Variants in LRRTM4 observed in about 807,000 individuals in gnomAD.
LRRTM4 encodes leucine rich repeat transmembrane neuronal 4.
Under a neutral mutation model 47.6 loss-of-function variants are expected in LRRTM4, and 25 were observed. That is an observed-to-expected ratio of 0.53 (90% confidence interval 0.38 to 0.73). The LOEUF is 0.73. Ranked by LOEUF, LRRTM4 falls within the 30% of genes least tolerant of loss-of-function variation. The pLI is 0.00. For synonymous variants in LRRTM4, 311 were observed against 269.5 expected, an observed-to-expected ratio of 1.15 and a Z score of -1.51; for missense variants, 638 against 713.4, an observed-to-expected ratio of 0.89 and a Z score of 1.20.
At chr2:77,197,356 T>G (rs2103891992) in intron 3 of LRRTM4, among the ~76,000 whole-genome samples, 1 of 152,170 alleles carries the variant, frequency 6.6e-6, no homozygotes, top group Admixed American at 6.5e-5. Flanking sequence ...AAAATTAGCC[T>G]TATAATCTAC....
At chr2:77,274,437 T>G (rs1471919537) in intron 3 of LRRTM4, among the ~76,000 whole-genome samples, 1 of 152,138 alleles carries the variant, frequency 6.6e-6, no homozygotes, top group Non-Finnish European at 1.5e-5. Flanking sequence ...TATCCATATC[T>G]CTTATGGGAA....
rs576337160 is a variant in LRRTM4, at chr2:77,442,140, C to T, written c.1551+76178G>A. On this transcript the variant is annotated intron_variant, in intron 3 of 3. Coordinates refer to ENST00000409884, the MANE Select transcript of LRRTM4 (RefSeq NM_001134745.3). ...GAGGACTCTGGGTTGAAATCTAGTA[C>T]AGAAGAACAGGATGCTAAGTGCAAA... 2.0e-5 allele frequency among the ~76,000 whole-genome samples: 3 copies of T among 152,204 alleles called. No individual in the cohort carries two copies. The South Asian group carries it at 6.2e-4, about 32-fold the overall frequency.
At chr2:76,971,384 C>A (rs1286898859) in intron 3 of LRRTM4, among the ~76,000 whole-genome samples, 2 of 151,978 alleles carry the variant, frequency 1.3e-5, no homozygotes, top group African/African-American at 4.8e-5. Context: ...TGGTGACAGG[C>A]AATTGGTGAG....
At chr2:77,216,158 G>A (rs1057378945) in intron 3 of LRRTM4, among the ~76,000 whole-genome samples, 1 of 152,136 alleles carries the variant, frequency 6.6e-6, no homozygotes, top group Non-Finnish European at 1.5e-5. Flanking sequence ...TCACTAGGAT[G>A]TCAAAAGGGT....
intron 3 of LRRTM4, among the ~76,000 whole-genome samples, chr2:77,457,987 A>G (rs1379743811): frequency 1.3e-5 from 2 of 152,156 alleles, no homozygotes; most frequent in African/African-American, 4.8e-5. Context: ...AGAAGCAGGG[A>G]CCCCAAATTG....
At chr2:76,795,133 T>C (rs976545544) in intron 3 of LRRTM4, among the ~76,000 whole-genome samples, 4 of 151,866 alleles carry the variant, frequency 2.6e-5, no homozygotes, top group African/African-American at 9.7e-5. Flanking sequence ...AACAATAATA[T>C]TAAAGTGGAC....
At chr2:77,279,244 C>T (rs946855231) in intron 3 of LRRTM4, among the ~76,000 whole-genome samples, 1 of 152,048 alleles carries the variant, frequency 6.6e-6, no homozygotes, top group Non-Finnish European at 1.5e-5. Context: ...CTACTAAATA[C>T]ATATTAAGTC....
At chr2:77,444,890 G>A (rs1381434213) in intron 3 of LRRTM4, among the ~76,000 whole-genome samples, 1 of 144,662 alleles carries the variant, frequency 6.9e-6, no homozygotes, top group Non-Finnish European at 1.5e-5. Context: ...TTAAAATGCA[G>A]CATATATGCA....
intron 3 of LRRTM4, among the ~76,000 whole-genome samples, chr2:77,011,531 T>TG (rs1677873680): frequency 6.9e-6 from 1 of 144,046 alleles, no homozygotes; most frequent in Non-Finnish European, 1.5e-5. Flanking sequence ...GAAGAAGCAT[T>TG]TGTGTGTGTG....
chr2:77,309,420 T>C (rs890314370), intron 3 of LRRTM4, among the ~76,000 whole-genome samples: 4 of 152,168 alleles, frequency 2.6e-5, no homozygotes, highest in African/African-American at 9.7e-5. Context: ...GATATGGCCA[T>C]AATAAAACAG....
chr2:77,210,760 C>T lies in LRRTM4; in HGVS notation c.1551+307558G>A, dbSNP rs2103921705. On this transcript the variant is annotated intron_variant, in intron 3 of 3. Transcript: ENST00000409884. ...AATTGAGAGCCTGTTTGAAGTTCCA[C>T]CTGAGGCCATTCAGCTAATAATTTT... Among the ~76,000 whole-genome samples, 5 of 152,236 alleles carry T rather than the reference C, an allele frequency of 3.3e-5. 1 individual carries two copies. The Middle Eastern group carries it at 0.014, about 414-fold the overall frequency.
intron 3 of LRRTM4, among the ~76,000 whole-genome samples, chr2:77,074,736 G>A (rs1301234774): frequency 1.3e-5 from 2 of 152,092 alleles, no homozygotes; most frequent in African/African-American, 4.8e-5. Flanking sequence ...AAGGTCAATT[G>A]TTGCAAACCT....
rs564706871 is a variant in LRRTM4, at chr2:77,028,609, G to A, written c.1552-279693C>T. Among the ~76,000 whole-genome samples the A allele has an allele frequency of 2.5e-4, 38 of 152,022 alleles. No individual in the cohort carries two copies. In the South Asian group the frequency reaches 7.7e-3, roughly 31 times the overall value. On this transcript the variant is annotated intron_variant, in intron 3 of 3. Transcript: ENST00000409884. ...GGTAAATATTGATTCTGAAAAGAAG[G>A]AAAAATATCAAAGATGGAACAAAAA...
chr2:77,092,978 G>A (rs1206622572), intron 3 of LRRTM4, among the ~76,000 whole-genome samples: 2 of 146,506 alleles, frequency 1.4e-5, no homozygotes, highest in Non-Finnish European at 2.9e-5. Flanking sequence ...CAGAATTCAG[G>A]CCTGTCCTCA....
chr2:77,253,812 C>A (rs1260542196), intron 3 of LRRTM4, among the ~76,000 whole-genome samples: 1 of 146,042 alleles, frequency 6.8e-6, no homozygotes, highest in East Asian at 1.9e-4. Flanking sequence ...TTTATGCAAT[C>A]TGAACAACAG....
intron 3 of LRRTM4, among the ~76,000 whole-genome samples, chr2:77,288,142 T>C (rs2104118966): frequency 6.6e-6 from 1 of 151,920 alleles, no homozygotes; most frequent in African/African-American, 2.4e-5. Context: ...GAAAACTGAC[T>C]TACCAAATAG....
chr2:76,887,715 A>C (rs1673122977), intron 3 of LRRTM4, among the ~76,000 whole-genome samples: 1 of 136,700 alleles, frequency 7.3e-6, no homozygotes, highest in Non-Finnish European at 1.6e-5. Flanking sequence ...GGGAGATAAA[A>C]ATTTTAAAAT....
chr2:77,261,186 A>G (rs72809136), intron 3 of LRRTM4, among the ~76,000 whole-genome samples: 13,164 of 152,104 alleles, frequency 0.087, 702 homozygotes, highest in East Asian at 0.31. Context: ...TAATAAAAAA[A>G]AAAGAAATTG....
chr2:76,783,539 C>T (rs905889356), intron 3 of LRRTM4, among the ~76,000 whole-genome samples: 5 of 152,052 alleles, frequency 3.3e-5, no homozygotes, highest in African/African-American at 7.2e-5. Context: ...CGTAACTCCC[C>T]GTATTCTCCC....
Sources: allele counts gnomAD v4.1 joint callset (sites outside exome capture counted in the v4.1 genomes callset), GRCh38; gene constraint gnomAD v4.1.1; transcripts MANE v1.5; gene names NCBI Gene and HGNC (gene_info 2026-07-23, HGNC 2026-07-21).